The following GRM7 variants were observed in gnomAD, a reference collection of about 807,000 sequenced individuals.
The protein encoded by GRM7 is metabotropic glutamate receptor 7.
A neutral mutation model predicts 84.5 loss-of-function variants in GRM7; 35 were observed. The ratio of observed to expected loss-of-function variants is 0.41; its 90% CI spans 0.32 to 0.55. The LOEUF (loss-of-function observed/expected upper bound fraction) is 0.55, where lower values mean the gene tolerates loss of function less well. Among genes scored for constraint, GRM7 ranks in the 20% least tolerant of loss-of-function variants. GRM7 has a pLI of 0.19. For missense variants in GRM7, 1,003 were observed against 1,194.6 expected, an observed-to-expected ratio of 0.84 and a Z score of 2.36; for synonymous variants, 487 against 455.1, an observed-to-expected ratio of 1.07 and a Z score of -0.89.
At chr3:7,330,677 A>G (rs151250456) in intron 4 of GRM7, among the ~76,000 whole-genome samples, 3 of 152,168 alleles carry the variant, frequency 2.0e-5, no homozygotes, top group Non-Finnish European at 4.4e-5. Context: ...CATGTAAGAC[A>G]TGCATTTCAC....
In GRM7 at chr3:7,452,746, A is replaced by G. The variant is rs773626333; in HGVS notation, c.1314A>G (p.Pro438=). ...GTGCTGACTACCGGGGTGTCTGCCC[A>G]GAGATGGAGCAAGCTGGAGGCAAGA... ...DLCADYRGVC[P]EMEQAGGKKL... Residue 438 remains proline (P), a synonymous_variant, in exon 6 of 10, where the codon CCA becomes CCG. Coordinates refer to ENST00000357716, the MANE Select transcript of GRM7 (RefSeq NM_000844.4). The G allele has an allele frequency of 1.9e-6, 3 of 1,613,480 alleles. No individual in the cohort carries two copies. Among genetic ancestry groups the G allele is most frequent in the East Asian group, 4.5e-5 (2 of 44,842 alleles).
At chr3:6,970,983 AAAACAAAC>A (rs71063280) in intron 1 of GRM7, among the ~76,000 whole-genome samples, 49 of 149,082 alleles carry the variant, frequency 3.3e-4, no homozygotes, top group African/African-American at 1.1e-3. Flanking sequence ...CTCTGTCTCA[AAAACAAAC>A]AAACAAACAA....
intron 2 of GRM7, among the ~76,000 whole-genome samples, chr3:7,189,149 G>T (rs891429766): frequency 6.6e-6 from 1 of 152,076 alleles, no homozygotes. Context: ...TATATATTGA[G>T]ATACAAATGT....
intron 8 of GRM7, among the ~76,000 whole-genome samples, chr3:7,624,794 CCT>C (rs1424221894): frequency 1.3e-5 from 2 of 152,074 alleles, no homozygotes; most frequent in African/African-American, 2.4e-5. Context: ...TCTGGCTGTT[CCT>C]CTGTGTCTTT....
intron 7 of GRM7, among the ~76,000 whole-genome samples, chr3:7,503,057 G>C (rs1465037204): frequency 2.0e-5 from 3 of 152,072 alleles, no homozygotes; most frequent in African/African-American, 7.2e-5. Context: ...GACTGTCCCT[G>C]TCACTATACT....
Position 7,298,670 on chromosome 3 carries a change from C to A in GRM7, c.737-14C>A, listed in dbSNP as rs893652505. 1 of 1,610,378 alleles carries A rather than the reference C, an allele frequency of 6.2e-7. No homozygotes were observed. Among genetic ancestry groups the A allele is most frequent in the Non-Finnish European group, 8.5e-7 (1 of 1,177,466 alleles). ...GGAAACATTATTGACACTATGTTTTCTTCTCTTAAACAGGTGGACTCTGCA... is the reference window on the plus strand; with the variant it reads ...GGAAACATTATTGACACTATGTTTTATTCTCTTAAACAGGTGGACTCTGCA... On this transcript the variant is annotated splice_polypyrimidine_tract_variant and intron_variant, in intron 2 of 9. Transcript: ENST00000357716.
intron 9 of GRM7, among the ~76,000 whole-genome samples, chr3:7,719,356 T>C (rs959623586): frequency 6.6e-6 from 1 of 152,312 alleles, no homozygotes; most frequent in African/African-American, 2.4e-5. Context: ...CCCTGCGTTT[T>C]CTTTGCAAAA....
Position 7,456,150 on chromosome 3 carries a change from A to G in GRM7, c.1375+3343A>G, listed in dbSNP as rs182261841. 1.2e-3 allele frequency among the ~76,000 whole-genome samples: 177 copies of G among 152,072 alleles called. 1 individual carries two copies. Among genetic ancestry groups the G allele is most frequent in the Admixed American group, 3.1e-3 (47 of 15,254 alleles). The stretch of plus-strand genomic sequence containing the variant: ...GCATCATATTTCATTTGCTGAGGTC[A>G]GTTTCTGGATTTTTTATTCTGGTTC... On this transcript the variant is annotated intron_variant, in intron 6 of 9. Transcript: ENST00000357716.
chr3:7,573,390 T>A (rs62235184), intron 7 of GRM7, among the ~76,000 whole-genome samples: 14,289 of 152,172 alleles, frequency 0.094, 961 homozygotes, highest in Non-Finnish European at 0.14. Context: ...AATATGCAAA[T>A]GGAATTTCAC....
At chr3:7,268,349 G>A (rs775506073) in intron 2 of GRM7, among the ~76,000 whole-genome samples, 19 of 151,698 alleles carry the variant, frequency 1.3e-4, no homozygotes, top group Admixed American at 2.0e-4. Context: ...CCAGCTCCTC[G>A]TGAAGCTGAG....
intron 2 of GRM7, among the ~76,000 whole-genome samples, chr3:7,202,410 A>G (rs566099946): frequency 5.3e-5 from 8 of 152,100 alleles, no homozygotes; most frequent in Non-Finnish European, 1.0e-4. Context: ...GGCTTACTGC[A>G]ACCTCTGCCT....
chr3:7,084,120 C>T (rs564022502), intron 1 of GRM7, among the ~76,000 whole-genome samples: 4 of 152,142 alleles, frequency 2.6e-5, no homozygotes, highest in African/African-American at 9.6e-5. Context: ...AGTTTAACTT[C>T]GATTTAAAGC....
chr3:7,347,703 A>C (rs1302447764), intron 4 of GRM7, among the ~76,000 whole-genome samples: 1 of 152,122 alleles, frequency 6.6e-6, no homozygotes, highest in Admixed American at 6.6e-5. Context: ...ACAATGCAAA[A>C]ACTTTATCGT....
chr3:6,955,566 T>G (rs1297902582), intron 1 of GRM7, among the ~76,000 whole-genome samples: 1 of 151,112 alleles, frequency 6.6e-6, no homozygotes, highest in Non-Finnish European at 1.5e-5. Flanking sequence ...ATGACAGGGC[T>G]GGGCACAGTG....
chr3:7,378,714 T>C (rs1373123192), intron 4 of GRM7, among the ~76,000 whole-genome samples: 6 of 152,124 alleles, frequency 3.9e-5, no homozygotes, highest in African/African-American at 1.4e-4. Context: ...TCTTAAAATA[T>C]ATACATTAAT....
chr3:7,587,842 C>A (rs1352233041), intron 8 of GRM7, among the ~76,000 whole-genome samples: 1 of 152,106 alleles, frequency 6.6e-6, no homozygotes, highest in Admixed American at 6.6e-5. Context: ...TCCCTTAGAG[C>A]AAAAGTTGGA....
At chr3:7,080,937 T>C (rs1346558289) in intron 1 of GRM7, among the ~76,000 whole-genome samples, 1 of 152,094 alleles carries the variant, frequency 6.6e-6, no homozygotes, top group Admixed American at 6.6e-5. Context: ...CATTGTATAA[T>C]GGAGTAAGAA....
chr3:7,229,720 CACACACATAT>C (rs1316966477), intron 2 of GRM7, among the ~76,000 whole-genome samples: 9 of 14,248 alleles, frequency 6.3e-4, no homozygotes, highest in Admixed American at 1.7e-3. Flanking sequence ...TCTCCATAGA[CACACACATAT>C]ATATATATAT....
chr3:7,708,818 G>T (rs928921747), intron 9 of GRM7, among the ~76,000 whole-genome samples: 2 of 151,634 alleles, frequency 1.3e-5, no homozygotes, highest in Non-Finnish European at 2.9e-5. Context: ...TTGGGGTTAG[G>T]GTGGAATTTC....
Sources: allele counts gnomAD v4.1 joint callset (sites outside exome capture counted in the v4.1 genomes callset), GRCh38; gene constraint gnomAD v4.1.1; transcripts MANE v1.5; gene names NCBI Gene and HGNC (gene_info 2026-07-23, HGNC 2026-07-21).